Variants in BRD4 observed in about 807,000 individuals in gnomAD.
BRD4 encodes bromodomain-containing protein 4.
In BRD4, 16 loss-of-function variants were observed where a neutral mutation model predicts 142.1. That is an observed-to-expected ratio of 0.11 (90% CI 0.08 to 0.17). BRD4 has a LOEUF of 0.17. BRD4 is among the 10% of genes least tolerant of loss of function. BRD4 has a pLI of 1.00. For missense variants in BRD4, 1,424 were observed against 1,810.9 expected (o/e 0.79, Z 3.88); for synonymous variants, 833 against 707.5 (o/e 1.18, Z -2.82).
intron 1 of BRD4, among the ~76,000 whole-genome samples, chr19:15,326,989 GCA>G (rs2048113690): frequency 6.6e-6 from 1 of 152,168 alleles, no homozygotes. Flanking sequence ...CTGTAACCAT[GCA>G]CAATGTAAAA....
At chr19:15,253,600 T>C (rs200246603) in intron 11 of BRD4, 12 of 1,591,120 alleles carry the variant, frequency 7.5e-6, no homozygotes, top group Non-Finnish European at 1.0e-5. Flanking sequence ...TGGGGAGGGG[T>C]AGGCAATGGC....
At chr19:15,262,933 C>G (rs796531118) in intron 7 of BRD4, among the ~76,000 whole-genome samples, 1 of 152,154 alleles carries the variant, frequency 6.6e-6, no homozygotes, top group Non-Finnish European at 1.5e-5. Flanking sequence ...GTGCACCACC[C>G]AGGCTCTCAA....
intron 11 of BRD4, chr19:15,253,677 C>T: frequency 6.3e-7 from 1 of 1,598,416 alleles, no homozygotes; most frequent in Non-Finnish European, 8.5e-7. Context: ...CAGTCTGCTC[C>T]ACATCCACCA....
intron 14 of BRD4, among the ~76,000 whole-genome samples, chr19:15,241,570 G>A (rs981761096): frequency 3.3e-5 from 5 of 152,224 alleles, no homozygotes; most frequent in African/African-American, 1.2e-4. Flanking sequence ...GGGACCTGAA[G>A]TAGAGCTGGC....
intron 1 of BRD4, chr19:15,280,358 C>T (rs200694954): frequency 2.9e-5 from 29 of 1,015,648 alleles, no homozygotes; most frequent in Admixed American, 5.9e-5. Context: ...CTGTACCCAT[C>T]AGTGGCCTGC....
chr19:15,288,116 T>A (rs1333723978), intron 1 of BRD4, among the ~76,000 whole-genome samples: 2 of 152,204 alleles, frequency 1.3e-5, no homozygotes, highest in Admixed American at 1.3e-4. Context: ...ATTTTGCCTA[T>A]CTATCCATCC....
At chr19:15,280,787 T>G (rs1015477042) in intron 1 of BRD4, among the ~76,000 whole-genome samples, 1 of 152,170 alleles carries the variant, frequency 6.6e-6, no homozygotes, top group African/African-American at 2.4e-5. Context: ...GGCTCTTGAA[T>G]AAACAATTAT....
intron 2 of BRD4, among the ~76,000 whole-genome samples, chr19:15,270,466 T>C (rs541322921): frequency 1.3e-5 from 2 of 152,292 alleles, no homozygotes; most frequent in South Asian, 2.1e-4. Context: ...TCTGACCTCC[T>C]TTCCCAAGAG....
At chr19:15,256,319 C>T (rs1426419767) in intron 8 of BRD4, 56 bp from the exon 9 acceptor site, 4 of 1,578,746 alleles carry the variant, frequency 2.5e-6, no homozygotes, top group East Asian at 2.2e-5. Context: ...TTCCTGTCAC[C>T]CAAGACCCAG....
chr19:15,251,360 G>A lies in BRD4; in HGVS notation c.2158+2792C>T, dbSNP rs898829867. ...TCATGTCTCAGGGCCGTTGTCAGCG[G>A]AACTAACCCCGTAGTATAAGTGACA... On this transcript the variant is annotated intron_variant, in intron 11 of 19. Coordinates refer to ENST00000679869, the MANE Select transcript of BRD4 (RefSeq NM_001379291.1). 2.2e-5 allele frequency among the ~76,000 whole-genome samples: 3 copies of A among 138,618 alleles called. No homozygotes were observed. The East Asian group carries it at 6.6e-4, about 30-fold the overall frequency. 90.9% of individuals were successfully genotyped at this position (138,618 alleles called of 152,430 possible). A position where few individuals can be genotyped will look rare whatever the true frequency, so the allele number is the denominator to read the frequency against.
chr19:15,255,219 G>C (rs2047394676), intron 10 of BRD4, 78 bp downstream of exon 10: 1 of 1,370,026 alleles, frequency 7.3e-7, no homozygotes, highest in Non-Finnish European at 1.0e-6. Context: ...CGCAGAAAGA[G>C]TGGACTGAGC....
intron 1 of BRD4, among the ~76,000 whole-genome samples, chr19:15,319,283 G>T (rs902889518): frequency 2.0e-5 from 3 of 152,122 alleles, no homozygotes. Context: ...TGGGAAACAT[G>T]GTGAAACCCC....
At position 15,292,777 on chromosome 19, in the gene BRD4, CAAAAAAAAAAAAAAAAAAAAAAAAA is replaced by C. The variant is rs57341445; in HGVS notation, c.-34-19669_-34-19645del. Among the ~76,000 whole-genome samples the C allele has an allele frequency of 1.0e-4, 6 of 57,256 alleles. No homozygotes were observed. In the Admixed American group the frequency reaches 1.1e-3, roughly 10 times the overall value. The allele number at this position is 57,256 out of a possible 152,430, so 37.6% of individuals were successfully genotyped here. ...TAGGTGACAGATCAAGACTCCGTCTCAAAAAAAAAAAAAAAAAAAAAAAAAAAAAAAAAAAAAAGAAAGAAAGAAA... is the reference window on the plus strand; with the variant it reads ...TAGGTGACAGATCAAGACTCCGTCTCAAAAAAAAAAAAAGAAAGAAAGAAA... On this transcript the variant is annotated intron_variant, in intron 1 of 19. Transcript: ENST00000679869.
chr19:15,263,107 C>A (rs1045232277), intron 7 of BRD4, among the ~76,000 whole-genome samples: 3 of 152,196 alleles, frequency 2.0e-5, no homozygotes, highest in African/African-American at 2.4e-5. Context: ...TGCCCCCCAC[C>A]CCCAACCCAC....
intron 1 of BRD4, chr19:15,280,460 C>T (rs2047695102): frequency 3.0e-6 from 3 of 1,011,434 alleles, no homozygotes; most frequent in East Asian, 7.0e-5. Context: ...ATTTCATCCT[C>T]GTAAACAAAT....
At chr19:15,299,518 G>C (rs1262122446) in intron 1 of BRD4, among the ~76,000 whole-genome samples, 2 of 152,140 alleles carry the variant, frequency 1.3e-5, no homozygotes, top group Non-Finnish European at 2.9e-5. Flanking sequence ...TAAGGCCTGG[G>C]ACATCCCCGC....
intron 7 of BRD4, 44 bp from the exon 8 acceptor site, chr19:15,257,217 G>T: frequency 6.5e-7 from 1 of 1,541,144 alleles, no homozygotes; most frequent in South Asian, 1.2e-5. Flanking sequence ...GGGTACCCAG[G>T]CCGCGGCCTA....
At chr19:15,322,110 C>CG (rs2048066495) in intron 1 of BRD4, among the ~76,000 whole-genome samples, 1 of 152,134 alleles carries the variant, frequency 6.6e-6, no homozygotes, top group Admixed American at 6.6e-5. Context: ...ATGACCCCCC[C>CG]ATAAGAAACA....
chr19:15,318,467 T>C (rs1209495367), intron 1 of BRD4, among the ~76,000 whole-genome samples: 1 of 152,208 alleles, frequency 6.6e-6, no homozygotes, highest in African/African-American at 2.4e-5. Context: ...AGTGGCACTG[T>C]GTACACTGCT....
Sources: gnomAD v4.1 joint callset for allele counts (sites outside exome capture counted in the v4.1 genomes callset) on GRCh38, gnomAD v4.1.1 for gene constraint, MANE v1.5 for transcripts, NCBI Gene and HGNC (gene_info 2026-07-23, HGNC 2026-07-21) for gene names.